NR2F1-AS1: variants seen among roughly 807,000 people sequenced by gnomAD.
NR2F1-AS1 encodes NR2F1 regulatory antisense RNA 1.
At position 93,579,678 on chromosome 5, in the gene NR2F1-AS1, C is replaced by A. The variant is rs1390373931; in HGVS notation, n.313+789G>T. Among the ~76,000 whole-genome samples, 2 of 151,874 alleles carry A rather than the reference C, an allele frequency of 1.3e-5. No individual in the cohort carries two copies. Among genetic ancestry groups the A allele is most frequent in the African/African-American group, 2.4e-5 (1 of 41,362 alleles). On this transcript the variant is annotated intron_variant and non_coding_transcript_variant, in intron 1 of 5. Transcript: ENST00000660523. This position sits in a 1 kb window ranked among gnomAD's most constrained non-coding sequence, Gnocchi z 5.1. ...CGCAAACGCACGCCCCTGCCCCGCACGGAGGAAAGCGCTCTTGTTGGTTTT... is the reference window on the plus strand; with the variant it reads ...CGCAAACGCACGCCCCTGCCCCGCAAGGAGGAAAGCGCTCTTGTTGGTTTT...
intron 4 of NR2F1-AS1, among the ~76,000 whole-genome samples, chr5:93,413,069 T>TGTGC (rs951520353): frequency 1.0e-5 from 1 of 95,432 alleles, no homozygotes; most frequent in African/African-American, 5.7e-5. Flanking sequence ...CTATGGTGTG[T>TGTGC]GTGTGTGTGT....
chr5:93,511,049 C>CAACT (rs1561475961), intron 4 of NR2F1-AS1, among the ~76,000 whole-genome samples: 1 of 152,102 alleles, frequency 6.6e-6, no homozygotes, highest in African/African-American at 2.4e-5. Context: ...AATATACATA[C>CAACT]AACTTAAATT....
chr5:93,576,623 C>T (rs1580349131), intron 1 of NR2F1-AS1, among the ~76,000 whole-genome samples: 1 of 152,018 alleles, frequency 6.6e-6, no homozygotes, highest in African/African-American at 2.4e-5. Flanking sequence ...CTTTTTGAGC[C>T]AATACTTTTC....
At chr5:93,493,836 A>G (rs1233448408) in intron 4 of NR2F1-AS1, among the ~76,000 whole-genome samples, 2 of 151,268 alleles carry the variant, frequency 1.3e-5, no homozygotes, top group African/African-American at 2.4e-5. Flanking sequence ...TTATTAAAAG[A>G]AAAAAAAACC....
Position 93,464,195 on chromosome 5 carries a change from T to C in NR2F1-AS1, n.639-68653A>G, listed in dbSNP as rs565070951. 2.0e-5 allele frequency among the ~76,000 whole-genome samples: 3 copies of C among 152,332 alleles called. No homozygotes were observed. In the East Asian group the frequency reaches 5.8e-4, roughly 29 times the overall value. The stretch of plus-strand genomic sequence containing the variant: ...TCTTTCCATGCTGTTCTCATGATAC[T>C]GAATAAGTCTCAAGAGATCTGATGG... On this transcript the variant is annotated intron_variant and non_coding_transcript_variant, in intron 4 of 5. Coordinates refer to ENST00000660523, the Ensembl canonical transcript of NR2F1-AS1.
chr5:93,532,397 C>CAGAG (rs151293926), intron 4 of NR2F1-AS1, among the ~76,000 whole-genome samples: 1 of 150,410 alleles, frequency 6.6e-6, no homozygotes, highest in African/African-American at 2.4e-5. Flanking sequence ...GACACCAAGA[C>CAGAG]AGAGAGAGAG....
chr5:93,474,588 T>C (rs1343167315), intron 4 of NR2F1-AS1, among the ~76,000 whole-genome samples: 1 of 152,190 alleles, frequency 6.6e-6, no homozygotes, highest in Non-Finnish European at 1.5e-5. Context: ...GCCTGCTTCC[T>C]AACTCATAGA....
intron 4 of NR2F1-AS1, among the ~76,000 whole-genome samples, chr5:93,484,183 G>A (rs1398179216): frequency 1.3e-5 from 2 of 152,160 alleles, no homozygotes; most frequent in Non-Finnish European, 2.9e-5. Context: ...AGGAAACAAT[G>A]TTAAGGGCAA....
chr5:93,541,959 A>ATTATTAG (rs1751960207), intron 4 of NR2F1-AS1: 1 of 151,900 alleles, frequency 6.6e-6, no homozygotes, highest in African/African-American at 2.4e-5. Flanking sequence ...AATTTTAAAT[A>ATTATTAG]TTATTACTTA....
intron 4 of NR2F1-AS1, among the ~76,000 whole-genome samples, chr5:93,541,623 G>T (rs777740079): frequency 3.3e-5 from 5 of 152,082 alleles, no homozygotes; most frequent in Non-Finnish European, 7.4e-5. Flanking sequence ...AGTATAACTG[G>T]ATATAATCGA....
intron 4 of NR2F1-AS1, among the ~76,000 whole-genome samples, chr5:93,503,245 T>C (rs1022247727): frequency 2.0e-5 from 3 of 152,196 alleles, no homozygotes; most frequent in Non-Finnish European, 4.4e-5. Context: ...AATTTGATTA[T>C]AAATTCTAAG....
At chr5:93,494,461 G>T (rs1750918154) in intron 4 of NR2F1-AS1, among the ~76,000 whole-genome samples, 1 of 152,226 alleles carries the variant, frequency 6.6e-6, no homozygotes, top group South Asian at 2.1e-4. Flanking sequence ...ATGGGAAACT[G>T]TATCTACTAA....
intron 4 of NR2F1-AS1, among the ~76,000 whole-genome samples, chr5:93,494,529 C>A (rs936942503): frequency 1.3e-5 from 2 of 152,064 alleles, no homozygotes; most frequent in African/African-American, 4.8e-5. Flanking sequence ...GCTCAAGAAT[C>A]ACTTGAACCC....
intron 4 of NR2F1-AS1, among the ~76,000 whole-genome samples, chr5:93,528,181 G>C (rs1040941502): frequency 6.6e-6 from 1 of 152,122 alleles, no homozygotes; most frequent in African/African-American, 2.4e-5. Context: ...CCATTAAAAA[G>C]TGGGCAAACG....
chr5:93,580,099 G>A (rs1752986635), intron 1 of NR2F1-AS1, among the ~76,000 whole-genome samples: 1 of 152,264 alleles, frequency 6.6e-6, no homozygotes, highest in Non-Finnish European at 1.5e-5. Context: ...AGCAGGAACA[G>A]CCGGGCCGGT....
At chr5:93,453,688 A>C (rs924852865) in intron 4 of NR2F1-AS1, among the ~76,000 whole-genome samples, 1 of 152,122 alleles carries the variant, frequency 6.6e-6, no homozygotes, top group Admixed American at 6.6e-5. Flanking sequence ...TCAAAAGACA[A>C]TGGAGTGACA....
intron 4 of NR2F1-AS1, among the ~76,000 whole-genome samples, chr5:93,529,775 G>A (rs775003622): frequency 6.6e-6 from 1 of 151,968 alleles, no homozygotes; most frequent in Non-Finnish European, 1.5e-5. Context: ...AAAAGGAAAC[G>A]CTATTTTCTG....
intron 4 of NR2F1-AS1, among the ~76,000 whole-genome samples, chr5:93,434,509 A>C (rs1749393575): frequency 6.6e-6 from 1 of 152,120 alleles, no homozygotes; most frequent in African/African-American, 2.4e-5. Flanking sequence ...AAATTGTTTG[A>C]AAGTAAATTG....
intron 4 of NR2F1-AS1, among the ~76,000 whole-genome samples, chr5:93,530,008 C>A (rs1479392685): frequency 6.6e-6 from 1 of 151,222 alleles, no homozygotes; most frequent in Non-Finnish European, 1.5e-5. Context: ...CAGACTCAAG[C>A]TCAGATTTTA....
Sources: allele counts gnomAD v4.1 joint callset (sites outside exome capture counted in the v4.1 genomes callset), GRCh38; gene constraint gnomAD v4.1.1; non-coding constraint Gnocchi (gnomAD v3.1); transcripts MANE v1.5; gene names NCBI Gene and HGNC (gene_info 2026-07-23, HGNC 2026-07-21).